The following ICE1 variants were observed in gnomAD, a reference collection of about 807,000 sequenced individuals.
ICE1 encodes the protein interactor of little elongation complex ELL subunit 1.
Under a neutral mutation model 192.7 loss-of-function variants are expected in ICE1, and 64 were observed. That is an observed-to-expected ratio of 0.33 (90% CI 0.27 to 0.41). ICE1 has a LOEUF of 0.41. Ranked by LOEUF, ICE1 falls within the 10% of genes least tolerant of loss-of-function variation. The pLI is 1.00. For missense variants in ICE1, 2,708 were observed against 2,696.0 expected (o/e 1.00, Z -0.10); for synonymous variants, 1,010 against 984.5 (o/e 1.03, Z -0.49).
At chr5:5,446,629 G>C (rs1188594228) in intron 7 of ICE1, among the ~76,000 whole-genome samples, 1 of 152,030 alleles carries the variant, frequency 6.6e-6, no homozygotes, top group Non-Finnish European at 1.5e-5. Flanking sequence ...ATATATACAG[G>C]TTTTAGAACA....
intron 12 of ICE1, among the ~76,000 whole-genome samples, chr5:5,458,135 G>A (rs900733985): frequency 3.9e-5 from 6 of 152,262 alleles, no homozygotes; most frequent in Admixed American, 2.0e-4. Flanking sequence ...TGGTGTAGCC[G>A]AGTTTTCTAC....
chr5:5,458,810 G>T (rs936730660), intron 12 of ICE1, among the ~76,000 whole-genome samples: 1 of 152,158 alleles, frequency 6.6e-6, no homozygotes, highest in Non-Finnish European at 1.5e-5. Flanking sequence ...GGAGTGGGGG[G>T]ATAGTCAGAA....
chr5:5,458,366 G>T (rs1352102051), intron 12 of ICE1, among the ~76,000 whole-genome samples: 1 of 152,178 alleles, frequency 6.6e-6, no homozygotes, highest in African/African-American at 2.4e-5. Flanking sequence ...GACGAAAGAT[G>T]CCATTGCCTC....
At position 5,461,425 on chromosome 5, in the gene ICE1, C is replaced by T. The variant is rs754871893; in HGVS notation, c.2091C>T (p.Asn697=). Residue 697 remains asparagine (N), a synonymous_variant, in exon 13 of 19, where the codon AAC becomes AAT. Transcript: ENST00000296564. The part of the protein sequence containing the change: ...SEPPECSIGG[N]NLENSLCALS... ...CACCGGAGTGTTCTATAGGAGGAAA[C>T]AACTTGGAGAATAGCTTGTGTGCCT... 1 of 1,613,970 alleles carries T rather than the reference C, an allele frequency of 6.2e-7. No homozygotes were observed. Among genetic ancestry groups the T allele is most frequent in the Non-Finnish European group, 8.5e-7 (1 of 1,179,890 alleles).
intron 1 of ICE1, among the ~76,000 whole-genome samples, chr5:5,427,803 G>A (rs1737569677): frequency 6.6e-6 from 1 of 152,158 alleles, no homozygotes; most frequent in Admixed American, 6.5e-5. Context: ...ATACAATGAT[G>A]AACAGAAGAG....
intron 12 of ICE1, 119 bp downstream of exon 12, chr5:5,457,860 T>C: frequency 1.0e-6 from 1 of 980,252 alleles, no homozygotes; most frequent in Non-Finnish European, 1.5e-6. Flanking sequence ...TTAGCCAATT[T>C]TGTTAGGGGG....
At chr5:5,441,269 G>A in intron 5 of ICE1, 46 bp downstream of exon 5, 2 of 1,231,418 alleles carry the variant, frequency 1.6e-6, no homozygotes, top group Non-Finnish European at 2.3e-6. Context: ...AATAAATTAG[G>A]ATGAGCTTAT....
intron 17 of ICE1, among the ~76,000 whole-genome samples, chr5:5,479,640 C>T (rs1187985529): frequency 6.6e-6 from 1 of 152,208 alleles, no homozygotes; most frequent in Non-Finnish European, 1.5e-5. Flanking sequence ...AAGACTCATG[C>T]ACACATATGT....
At chr5:5,436,697 G>GT (rs1159751884) in intron 2 of ICE1, among the ~76,000 whole-genome samples, 1 of 152,122 alleles carries the variant, frequency 6.6e-6, no homozygotes, top group Non-Finnish European at 1.5e-5. Flanking sequence ...GTAGGAAGTT[G>GT]TTTTTACCAA....
chr5:5,476,851 G>C (rs1041591472), intron 17 of ICE1, among the ~76,000 whole-genome samples: 1 of 152,106 alleles, frequency 6.6e-6, no homozygotes, highest in African/African-American at 2.4e-5. Context: ...CACACCACCT[G>C]CCCAATTTTT....
At position 5,462,886 on chromosome 5, in the gene ICE1, A is replaced by G. The variant is rs1738842072; in HGVS notation, c.3552A>G (p.Leu1184=). ...EVVMFLESCQ[L]GDYSSGDSVS... ...TGATGTTTCTTGAGAGCTGTCAGTT[A>G]GGGGATTATAGTTCAGGGGACTCTG... Residue 1184 remains leucine, a synonymous_variant, in exon 13 of 19, where the codon TTA becomes TTG. Coordinates refer to ENST00000296564, the MANE Select transcript of ICE1 (RefSeq NM_015325.3). 6.2e-7 allele frequency: 1 copy of G among 1,608,892 alleles called. No homozygotes were observed.
intron 1 of ICE1, among the ~76,000 whole-genome samples, chr5:5,425,999 C>A (rs1232544879): frequency 6.6e-6 from 1 of 152,144 alleles, no homozygotes; most frequent in Non-Finnish European, 1.5e-5. Flanking sequence ...AAGAGGAAAT[C>A]AAGGTGGAAG....
intron 18 of ICE1, among the ~76,000 whole-genome samples, chr5:5,487,189 T>G (rs1579585327): frequency 1.3e-5 from 2 of 152,100 alleles, no homozygotes; most frequent in East Asian, 3.9e-4. Flanking sequence ...CGGAATGAAA[T>G]CCGTGATGTA....
chr5:5,428,461 A>T (rs1737595110), intron 1 of ICE1, among the ~76,000 whole-genome samples: 1 of 152,210 alleles, frequency 6.6e-6, no homozygotes. Context: ...TGTGATTTTT[A>T]AAAATAATTT....
chr5:5,463,202 G>A lies in ICE1; in HGVS notation c.3868G>A (p.Val1290Ile). 6.2e-7 allele frequency: 1 copy of A among 1,611,334 alleles called. No individual in the cohort carries two copies. The highest frequency in any genetic ancestry group is 8.5e-7 in the Non-Finnish European group (1 of 1,178,960). The change falls in exon 13 of 19, where the codon GTA becomes ATA. Residue 1290 changes from valine to isoleucine, a missense_variant. Around this residue, in one of 2 missense-constraint regions of ICE1, gnomAD observed 2,366 missense variants for 2,276.6 expected, o/e 1.04. Transcript: ENST00000296564. ...KDTGSLLLLN[V>I]NNNMTTENLK... Reference sequence around the variant, plus strand: ...TACTGGCAGTTTATTGCTCTTAAATGTAAATAACAACATGACCACTGAGAA... The same window carrying A: ...TACTGGCAGTTTATTGCTCTTAAATATAAATAACAACATGACCACTGAGAA...
At chr5:5,456,048 G>C (rs1115068) in intron 11 of ICE1, among the ~76,000 whole-genome samples, 98,431 of 151,942 alleles carry the variant, frequency 0.65, 32,275 homozygotes, top group Middle Eastern at 0.78. Flanking sequence ...TTTGGCTTAT[G>C]TGATGTTTTC....
Position 5,462,821 on chromosome 5 carries a change from A to G in ICE1, c.3487A>G (p.Thr1163Ala). 3 of 1,611,408 alleles carry G rather than the reference A, an allele frequency of 1.9e-6. No homozygotes were observed. Among genetic ancestry groups the G allele is most frequent in the Non-Finnish European group, 2.5e-6 (3 of 1,178,614 alleles). ...AGCTCTGCAAGATTTTAACATAAGTACTTTTTCTGAGCTGGATAGACTTTC... is the reference window on the plus strand; with the variant it reads ...AGCTCTGCAAGATTTTAACATAAGTGCTTTTTCTGAGCTGGATAGACTTTC... ...TSALQDFNIS[T>A]FSELDRLSTS... The change falls in exon 13 of 19, where the codon ACT (threonine) becomes GCT (alanine). Residue 1163 changes from threonine to alanine, a missense_variant. Coordinates refer to ENST00000296564, the MANE Select transcript of ICE1 (RefSeq NM_015325.3).
chr5:5,440,866 A>T (rs1208107002), intron 4 of ICE1, among the ~76,000 whole-genome samples: 1 of 151,876 alleles, frequency 6.6e-6, no homozygotes, highest in Admixed American at 6.6e-5. Context: ...CAGCCATTAT[A>T]TTCCAGCCCA....
intron 1 of ICE1, among the ~76,000 whole-genome samples, chr5:5,432,020 T>C (rs892089715): frequency 9.9e-5 from 15 of 152,196 alleles, no homozygotes; most frequent in African/African-American, 3.6e-4. Flanking sequence ...TTTTGAGTCT[T>C]TGTTAGCTAT....
Sources: allele counts gnomAD v4.1 joint callset (sites outside exome capture counted in the v4.1 genomes callset), GRCh38; gene constraint gnomAD v4.1.1; regional missense constraint gnomAD v4.1.1; transcripts MANE v1.5; gene names NCBI Gene and HGNC (gene_info 2026-07-23, HGNC 2026-07-21).